The following GRIP1 variants were observed in gnomAD, a reference collection of about 807,000 sequenced individuals.
GRIP1 encodes glutamate receptor-interacting protein 1.
Under a neutral mutation model 129.9 loss-of-function variants are expected in GRIP1, and 45 were observed. The ratio of observed to expected loss-of-function variants is 0.35; its 90% CI spans 0.27 to 0.44. GRIP1 has a LOEUF of 0.44. GRIP1 is among the 20% of genes least tolerant of loss of function. The probability of loss-of-function intolerance (pLI) is 1.00; values close to 1 mark genes in which losing one functional copy is unlikely to be tolerated. For synonymous variants in GRIP1, 530 were observed against 520.8 expected (o/e 1.02, Z -0.24); for missense variants, 1,196 against 1,396.8 (o/e 0.86, Z 2.29).
intron 1 of GRIP1, among the ~76,000 whole-genome samples, chr12:66,897,006 GC>G (rs1798326865): frequency 6.6e-6 from 1 of 152,224 alleles, no homozygotes; most frequent in Admixed American, 6.5e-5. Context: ...AGGCTCGGGA[GC>G]CAGTTTGCCT....
At chr12:66,903,392 G>C (rs1387988528) in intron 1 of GRIP1, among the ~76,000 whole-genome samples, 1 of 151,512 alleles carries the variant, frequency 6.6e-6, no homozygotes, top group Non-Finnish European at 1.5e-5. Flanking sequence ...TCAGGAAAGA[G>C]ACTGCCTTTT....
chr12:66,983,127 T>C (rs1443135305), intron 1 of GRIP1, among the ~76,000 whole-genome samples: 1 of 152,168 alleles, frequency 6.6e-6, no homozygotes, highest in Non-Finnish European at 1.5e-5. Context: ...GGGTCCCTTA[T>C]GGCATTACGG....
intron 1 of GRIP1, among the ~76,000 whole-genome samples, chr12:66,761,613 C>T (rs2037478397): frequency 6.6e-6 from 1 of 152,194 alleles, no homozygotes; most frequent in Admixed American, 6.5e-5. Context: ...TATCTCCCTA[C>T]TCAACTGAAA....
At chr12:66,731,934 T>C (rs1427910644) in intron 1 of GRIP1, among the ~76,000 whole-genome samples, 1 of 152,148 alleles carries the variant, frequency 6.6e-6, no homozygotes, top group Non-Finnish European at 1.5e-5. Context: ...TTGTAGTAGA[T>C]TTTAGATTTA....
At chr12:66,787,125 A>C (rs2038373534) in intron 1 of GRIP1, among the ~76,000 whole-genome samples, 1 of 152,146 alleles carries the variant, frequency 6.6e-6, no homozygotes, top group Admixed American at 6.5e-5. Flanking sequence ...GCTGAGCCCA[A>C]TTACTATCTG....
intron 5 of GRIP1, among the ~76,000 whole-genome samples, chr12:66,524,546 T>C (rs571692694): frequency 2.0e-5 from 3 of 151,958 alleles, no homozygotes; most frequent in African/African-American, 7.3e-5. Flanking sequence ...GAGGGAAATT[T>C]ATAGCACTAA....
intron 1 of GRIP1, among the ~76,000 whole-genome samples, chr12:67,032,452 C>A (rs1380302485): frequency 6.6e-6 from 1 of 152,142 alleles, no homozygotes; most frequent in Non-Finnish European, 1.5e-5. Context: ...CTTATTCATT[C>A]TAATATTTCA....
chr12:66,902,103 G>A (rs965275500), intron 1 of GRIP1, among the ~76,000 whole-genome samples: 4 of 152,010 alleles, frequency 2.6e-5, no homozygotes, highest in Admixed American at 2.6e-4. Flanking sequence ...TGCAAAACTG[G>A]GGAACTAGTT....
intron 1 of GRIP1, among the ~76,000 whole-genome samples, chr12:66,862,734 G>A (rs781252086): frequency 7.2e-5 from 11 of 152,038 alleles, no homozygotes; most frequent in East Asian, 1.9e-4. Context: ...ATCAACCTCC[G>A]AGGGATGAAT....
At chr12:66,640,254 T>C (rs1336447085) in intron 1 of GRIP1, among the ~76,000 whole-genome samples, 2 of 152,212 alleles carry the variant, frequency 1.3e-5, no homozygotes, top group East Asian at 1.9e-4. Context: ...ATCATAGTTA[T>C]TCAGAATAGA....
intron 4 of GRIP1, among the ~76,000 whole-genome samples, chr12:66,531,254 T>TAC (rs2061449394): frequency 2.4e-4 from 1 of 4,228 alleles, no homozygotes; most frequent in African/African-American, 2.3e-3. Flanking sequence ...AAAAAAAAAA[T>TAC]ATATATATAT....
At chr12:66,653,106 T>C (rs1320191680) in intron 1 of GRIP1, among the ~76,000 whole-genome samples, 5 of 152,244 alleles carry the variant, frequency 3.3e-5, no homozygotes, top group African/African-American at 1.2e-4. Context: ...TTTGTTGCTC[T>C]TGGTAAGAGT....
chr12:66,693,876 T>C (rs2035063189), intron 1 of GRIP1, among the ~76,000 whole-genome samples: 1 of 152,206 alleles, frequency 6.6e-6, no homozygotes, highest in Admixed American at 6.5e-5. Context: ...TCCTTTGAAC[T>C]GATGATAAAT....
chr12:66,974,015 C>T lies in GRIP1; in HGVS notation c.58+95035G>A, dbSNP rs190511060. ...TCGGCTCACTGCAACCTCCGCCTCCCTGGTTCAAGCCATTCTGCCTGCCCT... is the reference window on the plus strand; with the variant it reads ...TCGGCTCACTGCAACCTCCGCCTCCTTGGTTCAAGCCATTCTGCCTGCCCT... On this transcript the variant is annotated intron_variant, in intron 1 of 1. Coordinates refer to the GRIP1 transcript ENST00000643019. Among the ~76,000 whole-genome samples, 8 of 150,670 alleles carry T rather than the reference C, an allele frequency of 5.3e-5. No homozygotes were observed. The East Asian group carries it at 1.4e-3, about 26-fold the overall frequency.
chr12:66,646,879 C>T (rs1479360224), intron 1 of GRIP1, among the ~76,000 whole-genome samples: 1 of 152,186 alleles, frequency 6.6e-6, no homozygotes, highest in African/African-American at 2.4e-5. Flanking sequence ...TCATGTGATA[C>T]TCTGGCTTTG....
chr12:66,975,943 T>C (rs1420270874), intron 1 of GRIP1, among the ~76,000 whole-genome samples: 1 of 152,346 alleles, frequency 6.6e-6, no homozygotes, highest in South Asian at 2.1e-4. Flanking sequence ...ATGTTTATGG[T>C]ATTTACCAAT....
chr12:66,508,067 G>T (rs2060591941), intron 7 of GRIP1, among the ~76,000 whole-genome samples: 1 of 152,182 alleles, frequency 6.6e-6, no homozygotes, highest in African/African-American at 2.4e-5. Context: ...TAAAGGGAAA[G>T]ACAGAGATTT....
intron 1 of GRIP1, among the ~76,000 whole-genome samples, chr12:66,633,248 TATATATA>T (rs993274384): frequency 1.4e-5 from 2 of 146,298 alleles, no homozygotes; most frequent in African/African-American, 5.0e-5. Context: ...TTATATGTAT[TATATATA>T]ATATATATAA....
intron 16 of GRIP1, among the ~76,000 whole-genome samples, chr12:66,401,465 GCTA>G (rs2056984695): frequency 1.3e-5 from 2 of 151,720 alleles, no homozygotes; most frequent in Admixed American, 1.3e-4. Flanking sequence ...TGTAATCCCA[GCTA>G]CTTGGGAGGC....
Sources: allele counts gnomAD v4.1 joint callset (sites outside exome capture counted in the v4.1 genomes callset), GRCh38; gene constraint gnomAD v4.1.1; transcripts MANE v1.5; gene names NCBI Gene and HGNC (gene_info 2026-07-23, HGNC 2026-07-21).